SPI1: variants seen among roughly 807,000 people sequenced by gnomAD.
SPI1 encodes Spi-1 proto-oncogene, also known as transcription factor PU.1.
Under a neutral mutation model 30.7 loss-of-function variants are expected in SPI1, and 3 were observed. The observed-to-expected ratio is 0.10, with a 90% CI of 0.04 to 0.25. The LOEUF (loss-of-function observed/expected upper bound fraction) is 0.25. Ranked by LOEUF, SPI1 falls within the 10% of genes least tolerant of loss-of-function variation. The pLI, the probability that SPI1 is intolerant of heterozygous loss-of-function variation, is 1.00. For synonymous variants in SPI1, 169 were observed against 157.1 expected (o/e 1.08, Z -0.56); for missense variants, 261 against 371.5 (o/e 0.70, Z 2.45).
At chr11:47,358,269 CTG>C in intron 4 of SPI1, 1 of 461,606 alleles carries the variant, frequency 2.2e-6, no homozygotes, top group Non-Finnish European at 4.0e-6. Context: ...CACACACCTG[CTG>C]TCACACCCCC....
At chr11:47,362,298 G>C (rs936150108) in intron 2 of SPI1, among the ~76,000 whole-genome samples, 7 of 152,066 alleles carry the variant, frequency 4.6e-5, no homozygotes, top group Non-Finnish European at 1.0e-4. Flanking sequence ...TTCCCACTGA[G>C]TGTGGTTACA....
At chr11:47,362,365 T>G (rs537602901) in intron 2 of SPI1, among the ~76,000 whole-genome samples, 18 of 152,010 alleles carry the variant, frequency 1.2e-4, no homozygotes, top group East Asian at 9.7e-4. Context: ...AGCCCAGGAG[T>G]TTGAGACCGG....
chr11:47,371,164 T>A (rs1034131634), intron 2 of SPI1, among the ~76,000 whole-genome samples: 1 of 151,088 alleles, frequency 6.6e-6, no homozygotes, highest in African/African-American at 2.4e-5. Context: ...ATCAAGACCA[T>A]CCTGGCTAAC....
chr11:47,355,902 T>C, intron 4 of SPI1, among the ~76,000 whole-genome samples: 1 of 148,728 alleles, frequency 6.7e-6, no homozygotes, highest in Non-Finnish European at 1.5e-5. Flanking sequence ...CTCACACACG[T>C]GCTCACACAA....
intron 2 of SPI1, among the ~76,000 whole-genome samples, chr11:47,366,077 A>C (rs1181624277): frequency 6.6e-6 from 1 of 151,984 alleles, no homozygotes; most frequent in Admixed American, 6.6e-5. Flanking sequence ...TCCACCCTAC[A>C]TCCATCCTTC....
chr11:47,357,973 C>A (rs1018625732), intron 4 of SPI1, among the ~76,000 whole-genome samples: 1 of 151,464 alleles, frequency 6.6e-6, no homozygotes, highest in Non-Finnish European at 1.5e-5. Context: ...TGCTTAAGCA[C>A]GTCCTCACCC....
rs1168464879 is a variant in SPI1, at chr11:47,355,233, G to A, written c.807C>T (p.Pro269=). The change falls in exon 5 of 5, where the codon CCC becomes CCT. Residue 269 remains proline (P), a synonymous_variant. Transcript: ENST00000378538. ...RGGLAERRHP[P]H The stretch of plus-strand genomic sequence containing the variant: ...CCCGGCGGGGGCTGCGGGCTCAGTG[G>A]GGCGGGTGGCGCCGCTCGGCCAGGC... 1 of 1,400,132 alleles carries A rather than the reference G, an allele frequency of 7.1e-7. No homozygotes were observed. Among genetic ancestry groups the A allele is most frequent in the Non-Finnish European group, 9.2e-7 (1 of 1,081,478 alleles). The allele number at this position is 1,400,132 out of a possible 1,614,324, so 86.7% of individuals were successfully genotyped here. A position where few individuals can be genotyped will look rare whatever the true frequency, so the allele number is the denominator to read the frequency against.
chr11:47,369,382 CTT>C (rs778692185), intron 2 of SPI1, among the ~76,000 whole-genome samples: 7 of 152,188 alleles, frequency 4.6e-5, no homozygotes, highest in Non-Finnish European at 7.3e-5. Context: ...ACCACCATCT[CTT>C]TCCTGGATTA....
At position 47,355,279 on chromosome 11, in the gene SPI1, C is replaced by A; in HGVS notation, c.761G>T (p.Gly254Val). ...CAGGCCCCCGCGGCCCAGCACTTCG[C>A]CGCTGAACTGGTAGGTGAGCTTCTT... ...VKKKLTYQFSGEVLGRGGLAE... is the reference protein window; with the variant it reads ...VKKKLTYQFSVEVLGRGGLAE... The change falls in exon 5 of 5, where the codon GGC becomes GTC. Residue 254 changes from glycine to valine, a missense_variant. This residue lies in a region of SPI1 where 43 missense variants were observed against 123.8 expected (regional missense o/e 0.35). Transcript: ENST00000378538. The A allele has an allele frequency of 6.3e-7, 1 of 1,575,130 alleles. No homozygotes were observed. The highest frequency in any genetic ancestry group is 8.6e-7 in the Non-Finnish European group (1 of 1,162,412).
Position 47,359,083 on chromosome 11 carries a change from G to A in SPI1, c.331-77C>T. On this transcript the variant is annotated intron_variant, in intron 3 of 4. Transcript: ENST00000378538. The surrounding 1 kb of genome is among the most constrained non-coding windows in gnomAD (Gnocchi z 5.1). ...AGGGGGGCTGGGAGGGAGGTCAGCTGGGGAGAGAAGGAGTGCAGAGGGCAG... is the reference window on the plus strand; with the variant it reads ...AGGGGGGCTGGGAGGGAGGTCAGCTAGGGAGAGAAGGAGTGCAGAGGGCAG... 7.3e-7 allele frequency: 1 copy of A among 1,376,846 alleles called. No homozygotes were observed. The allele number at this position is 1,376,846 out of a possible 1,614,324, so 85.3% of individuals were successfully genotyped here.
At chr11:47,356,018 A>G (rs1398009143) in intron 4 of SPI1, among the ~76,000 whole-genome samples, 1 of 151,034 alleles carries the variant, frequency 6.6e-6, no homozygotes, top group Non-Finnish European at 1.5e-5. Flanking sequence ...GATCACACAC[A>G]TGCTGTCACA....
chr11:47,376,158 G>A (rs2095942046), intron 1 of SPI1, among the ~76,000 whole-genome samples: 1 of 151,878 alleles, frequency 6.6e-6, no homozygotes, highest in Admixed American at 6.6e-5. Context: ...GCAGGCGCCT[G>A]CACACTATCC....
Position 47,360,011 on chromosome 11 carries a change from C to T in SPI1, c.172G>A (p.Val58Met), listed in dbSNP as rs757424163. The change falls in exon 3 of 5, where the codon GTG becomes ATG. Residue 58 changes from valine to methionine, a missense_variant. Val to Met is a conservative substitution (Grantham distance 21). Around this residue, in one of 5 missense-constraint regions of SPI1, gnomAD observed 78 missense variants for 93.2 expected, o/e 0.84. Transcript: ENST00000378538. Reference sequence around the variant, plus strand: ...GCGAAGCTCTCGAACTCGCTGTGCACGTGGTGGGGGTGGAAGTCCCAGTAA... The same window carrying T: ...GCGAAGCTCTCGAACTCGCTGTGCATGTGGTGGGGGTGGAAGTCCCAGTAA... ...DHYWDFHPHHVHSEFESFAEN... is the reference protein window; with the variant it reads ...DHYWDFHPHHMHSEFESFAEN... 8 of 1,585,104 alleles carry T rather than the reference C, an allele frequency of 5.0e-6. No homozygotes were observed. In the Admixed American group the frequency reaches 8.7e-5, roughly 17 times the overall value.
At position 47,359,922 on chromosome 11, in the gene SPI1, G is replaced by A; in HGVS notation, c.261C>T (p.His87=). The change falls in exon 3 of 5, where the codon CAC becomes CAT. Residue 87 remains histidine (H), a synonymous_variant. Transcript: ENST00000378538. The surrounding 1 kb of genome is among the most constrained non-coding windows in gnomAD (Gnocchi z 5.1). ...QPPQLQQLYR[H]MELEQMHVLD... ...GGACGTGCATCTGCTCCAGCTCCAT[G>A]TGGCGGTAGAGCTGCTGCAGCTGCG... 6.2e-7 allele frequency: 1 copy of A among 1,611,502 alleles called. No individual in the cohort carries two copies. The highest frequency in any genetic ancestry group is 8.5e-7 in the Non-Finnish European group (1 of 1,179,824).
intron 4 of SPI1, among the ~76,000 whole-genome samples, chr11:47,357,124 C>G (rs1470638486): frequency 6.6e-6 from 1 of 151,202 alleles, no homozygotes; most frequent in African/African-American, 2.4e-5. Flanking sequence ...CTCACATGCT[C>G]ACACCTCACA....
Position 47,375,606 on chromosome 11 carries a change from T to TG in SPI1, c.142+26dup. On this transcript the variant is annotated intron_variant, in intron 2 of 4. Transcript: ENST00000378538. This position sits in a 1 kb window ranked among gnomAD's most constrained non-coding sequence, Gnocchi z 4.2. ...CAGGAGCCCAGGCTGGGCTGGGGGA[T>TG]GGGGGCGTGGCAGGCCCCGTACTCA... 1 of 1,567,574 alleles carries TG rather than the reference T, an allele frequency of 6.4e-7. No individual in the cohort carries two copies. The highest frequency in any genetic ancestry group is 8.8e-7 in the Non-Finnish European group (1 of 1,137,586).
At position 47,374,645 on chromosome 11, in the gene SPI1, CT is replaced by C. The variant is rs1418653632; in HGVS notation, c.142+987del. On this transcript the variant is annotated intron_variant, in intron 2 of 4. Transcript: ENST00000378538. This position sits in a 1 kb window ranked among gnomAD's most constrained non-coding sequence, Gnocchi z 4.5. Reference sequence around the variant, plus strand: ...CTGGTCTGCCCGGGTCCCAGACGCCCTGAGGAATTCCCCAGTGACGACTCAC... The same window carrying C: ...CTGGTCTGCCCGGGTCCCAGACGCCCGAGGAATTCCCCAGTGACGACTCAC... Among the ~76,000 whole-genome samples the C allele has an allele frequency of 6.6e-6, 1 of 151,050 alleles. No homozygotes were observed. Among genetic ancestry groups the C allele is most frequent in the African/African-American group, 2.4e-5 (1 of 41,348 alleles).
At chr11:47,358,791 AGGGCACAGACACGGCCAGGGTCG>A (rs2095916201) in intron 4 of SPI1, 30 bp downstream of exon 4, 5 of 1,530,632 alleles carry the variant, frequency 3.3e-6, no homozygotes, top group Non-Finnish European at 4.4e-6. Flanking sequence ...GGGTGGGGGC[AGGGCACAGACACGGCCAGGGTCG>A]GGGCCAGGGT....
chr11:47,358,915 G>A lies in SPI1; in HGVS notation c.422C>T (p.Pro141Leu). 1 of 1,563,024 alleles carries A rather than the reference G, an allele frequency of 6.4e-7. No homozygotes were observed. Residue 141 changes from proline to leucine, a missense_variant, in exon 4 of 5, where the codon CCC becomes CTC. Pro to Leu is a moderately conservative substitution (Grantham distance 98). Coordinates refer to ENST00000378538, the MANE Select transcript of SPI1 (RefSeq NM_003120.3). ...CTCGCCGTCAGACACCTCCAGTGGGGGGCTCTGCCGCTCGCCCTCCTCCTC... is the reference window on the plus strand; with the variant it reads ...CTCGCCGTCAGACACCTCCAGTGGGAGGCTCTGCCGCTCGCCCTCCTCCTC... The part of the protein sequence containing the change: ...SDEEEGERQS[P>L]PLEVSDGEAD...
Sources: allele counts gnomAD v4.1 joint callset (sites outside exome capture counted in the v4.1 genomes callset), GRCh38; gene constraint gnomAD v4.1.1; regional missense constraint gnomAD v4.1.1; non-coding constraint Gnocchi (gnomAD v3.1); transcripts MANE v1.5; gene names NCBI Gene and HGNC (gene_info 2026-07-23, HGNC 2026-07-21).